The following CAMK2D variants were observed in gnomAD, a reference collection of about 807,000 sequenced individuals.
CAMK2D encodes calcium/calmodulin dependent protein kinase II delta, also known as calcium/calmodulin-dependent protein kinase type II subunit delta.
A neutral mutation model predicts 84.0 loss-of-function variants in CAMK2D; 37 were observed. The ratio of observed to expected loss-of-function variants is 0.44; its 90% CI spans 0.34 to 0.58. The LOEUF is 0.58. CAMK2D is among the 20% of genes least tolerant of loss of function. The probability of loss-of-function intolerance (pLI) is 0.02; values close to 1 mark genes in which losing one functional copy is unlikely to be tolerated. For synonymous variants in CAMK2D, 202 were observed against 212.5 expected (o/e 0.95, Z 0.43); for missense variants, 448 against 652.5 (o/e 0.69, Z 3.41).
At chr4:113,678,383 G>A (rs1300479066) in intron 2 of CAMK2D, among the ~76,000 whole-genome samples, 3 of 151,958 alleles carry the variant, frequency 2.0e-5, no homozygotes, top group South Asian at 2.1e-4. Context: ...AGCCTTTTAG[G>A]CATCTATTCT....
At chr4:113,651,813 T>G (rs2099174075) in intron 3 of CAMK2D, among the ~76,000 whole-genome samples, 1 of 152,120 alleles carries the variant, frequency 6.6e-6, no homozygotes, top group Non-Finnish European at 1.5e-5. Flanking sequence ...GCGATAATAA[T>G]TAATTCAGGG....
intron 8 of CAMK2D, among the ~76,000 whole-genome samples, chr4:113,519,253 T>C (rs1186057453): frequency 6.6e-6 from 1 of 152,212 alleles, no homozygotes; most frequent in Non-Finnish European, 1.5e-5. Flanking sequence ...TATAGAATTA[T>C]GAAATAGTGG....
chr4:113,562,772 A>G (rs996155463), intron 4 of CAMK2D, among the ~76,000 whole-genome samples: 2 of 152,252 alleles, frequency 1.3e-5, no homozygotes, highest in Non-Finnish European at 2.9e-5. Context: ...CAACTAATTT[A>G]CTGAAACTTG....
intron 1 of CAMK2D, among the ~76,000 whole-genome samples, chr4:113,760,121 T>C (rs1350848629): frequency 2.0e-5 from 3 of 152,114 alleles, no homozygotes; most frequent in East Asian, 1.9e-4. Flanking sequence ...GAAAGAGGAA[T>C]TGGGTTTGGG....
chr4:113,699,876 G>A (rs190249312), intron 2 of CAMK2D, among the ~76,000 whole-genome samples: 1 of 152,064 alleles, frequency 6.6e-6, no homozygotes, highest in African/African-American at 2.4e-5. Flanking sequence ...AAAACTACTA[G>A]GTACTTTGAT....
intron 2 of CAMK2D, among the ~76,000 whole-genome samples, chr4:113,665,381 C>G (rs1456584838): frequency 1.3e-5 from 2 of 152,146 alleles, no homozygotes; most frequent in Non-Finnish European, 2.9e-5. Flanking sequence ...AGAGAGTAGG[C>G]AGGTGAGGAG....
chr4:113,727,920 T>C (rs768383016), intron 2 of CAMK2D, among the ~76,000 whole-genome samples: 4 of 152,088 alleles, frequency 2.6e-5, no homozygotes, highest in Non-Finnish European at 5.9e-5. Flanking sequence ...AGGGACCCAA[T>C]ATCATTTGTC....
At chr4:113,572,237 T>G (rs1253501881) in intron 4 of CAMK2D, among the ~76,000 whole-genome samples, 1 of 151,958 alleles carries the variant, frequency 6.6e-6, no homozygotes, top group Non-Finnish European at 1.5e-5. Flanking sequence ...GATAAAAATG[T>G]TGAGGAAAGG....
At chr4:113,485,396 A>G (rs547423126) in intron 16 of CAMK2D, among the ~76,000 whole-genome samples, 11 of 152,340 alleles carry the variant, frequency 7.2e-5, no homozygotes, top group African/African-American at 2.4e-4. Context: ...AGAGTAACTT[A>G]CTAAATAAAT....
intron 4 of CAMK2D, among the ~76,000 whole-genome samples, chr4:113,581,884 A>G (rs2098812020): frequency 6.6e-6 from 1 of 152,186 alleles, no homozygotes; most frequent in Admixed American, 6.5e-5. Context: ...AGATAATTCA[A>G]TTATAAGTTC....
intron 2 of CAMK2D, among the ~76,000 whole-genome samples, chr4:113,663,072 A>G (rs1032614996): frequency 2.6e-5 from 4 of 151,750 alleles, no homozygotes; most frequent in African/African-American, 9.7e-5. Flanking sequence ...TCCCAAATAC[A>G]AAGATAGATA....
chr4:113,696,395 T>C (rs1026396837), intron 2 of CAMK2D, among the ~76,000 whole-genome samples: 1 of 152,074 alleles, frequency 6.6e-6, no homozygotes. Context: ...CCTAGAATGG[T>C]GTCTAACACA....
intron 2 of CAMK2D, among the ~76,000 whole-genome samples, chr4:113,672,444 A>G (rs1026505492): frequency 6.6e-6 from 1 of 152,196 alleles, no homozygotes; most frequent in African/African-American, 2.4e-5. Context: ...TACTTAACAT[A>G]TTTGTAATTA....
At position 113,506,899 on chromosome 4, in the gene CAMK2D, C is replaced by CCA. The variant is rs1316797010; in HGVS notation, c.985-1866_985-1865dup. On this transcript the variant is annotated intron_variant, in intron 13 of 20. Transcript: ENST00000511664. ...TGTACAAGTGCACATGTTCCCCCCC[C>CCA]CACACACACACACCTACACACATTC... Among the ~76,000 whole-genome samples, 34 of 150,028 alleles carry CCA rather than the reference C, an allele frequency of 2.3e-4. No homozygotes were observed. The East Asian group carries it at 4.7e-3, about 21-fold the overall frequency.
At position 113,726,137 on chromosome 4, in the gene CAMK2D, G is replaced by C. The variant is rs146513397; in HGVS notation, c.160+33183C>G. Among the ~76,000 whole-genome samples the C allele has an allele frequency of 4.5e-4, 68 of 152,186 alleles. No individual in the cohort carries two copies. The East Asian group carries it at 9.3e-3, about 21-fold the overall frequency. On this transcript the variant is annotated intron_variant, in intron 2 of 20. Transcript: ENST00000511664. ...GCTCAGCACTTGTCATAGATTTCCT[G>C]CTCTAATCCTTGCAGTAATCCTCTG...
intron 17 of CAMK2D, among the ~76,000 whole-genome samples, chr4:113,461,590 T>C (rs1028683038): frequency 3.3e-5 from 5 of 152,170 alleles, no homozygotes; most frequent in African/African-American, 4.8e-5. Context: ...GAAGAAAATA[T>C]TTCCTTTGGG....
Position 113,541,362 on chromosome 4 carries a change from A to G in CAMK2D, c.415-3919T>C, listed in dbSNP as rs1042031540. On this transcript the variant is annotated intron_variant, in intron 6 of 20. Coordinates refer to ENST00000511664, the MANE Select transcript of CAMK2D (RefSeq NM_001321571.2). ...TAGTCCATTCAGCAGATGTTTTTAG[A>G]AGAATTTGAAGTACTCAAAAATATT... 2.2e-4 allele frequency among the ~76,000 whole-genome samples: 33 copies of G among 152,346 alleles called. 1 individual carries two copies. The highest frequency in any genetic ancestry group is 7.5e-4 in the African/African-American group (31 of 41,576).
intron 3 of CAMK2D, among the ~76,000 whole-genome samples, chr4:113,612,636 A>G (rs1358800108): frequency 6.6e-6 from 1 of 152,246 alleles, no homozygotes; most frequent in Non-Finnish European, 1.5e-5. Flanking sequence ...AATTTTAAAA[A>G]AGAGAATGAG....
At chr4:113,702,706 C>A (rs372372086) in intron 2 of CAMK2D, among the ~76,000 whole-genome samples, 2 of 152,066 alleles carry the variant, frequency 1.3e-5, no homozygotes, top group East Asian at 3.9e-4. Flanking sequence ...ATCAGGAGTT[C>A]AAGATCAGCT....
Sources: gnomAD v4.1 joint callset for allele counts (sites outside exome capture counted in the v4.1 genomes callset) on GRCh38, gnomAD v4.1.1 for gene constraint, MANE v1.5 for transcripts, NCBI Gene and HGNC (gene_info 2026-07-23, HGNC 2026-07-21) for gene names.